Variants in LRPPRC observed in about 807,000 individuals in gnomAD.
LRPPRC encodes the protein leucine-rich PPR motif-containing protein, mitochondrial.
In LRPPRC, 120 loss-of-function variants were observed where a neutral mutation model predicts 180.3. That is an observed-to-expected ratio of 0.67 (90% CI 0.57 to 0.77). The LOEUF (loss-of-function observed/expected upper bound fraction) is 0.77. Among genes scored for constraint, LRPPRC ranks in the 30% least tolerant of loss-of-function variants. LRPPRC has a pLI of 0.00. For synonymous variants in LRPPRC, 723 were observed against 600.0 expected (o/e 1.21, Z -3.00); for missense variants, 2,012 against 1,657.2 (o/e 1.21, Z -3.72).
chr2:43,889,067 G>T (rs538581462), intron 37 of LRPPRC, among the ~76,000 whole-genome samples: 1 of 151,980 alleles, frequency 6.6e-6, no homozygotes, highest in Non-Finnish European at 1.5e-5. Flanking sequence ...CTGTAATCCC[G>T]GCACTTTGGG....
At chr2:43,986,853 A>G (rs899583353) in intron 1 of LRPPRC, among the ~76,000 whole-genome samples, 1 of 152,242 alleles carries the variant, frequency 6.6e-6, no homozygotes, top group Non-Finnish European at 1.5e-5. Flanking sequence ...AAAGTCTCTA[A>G]TGGCAGATAA....
chr2:43,928,109 G>C (rs903776492), intron 25 of LRPPRC, among the ~76,000 whole-genome samples: 1 of 152,206 alleles, frequency 6.6e-6, no homozygotes, highest in Non-Finnish European at 1.5e-5. Flanking sequence ...TGAGGATACA[G>C]TAAGTATTTT....
intron 14 of LRPPRC, among the ~76,000 whole-genome samples, chr2:43,951,888 T>A (rs1672918491): frequency 6.6e-6 from 1 of 152,164 alleles, no homozygotes; most frequent in South Asian, 2.1e-4. Context: ...AGTATCAACT[T>A]ACTGTCAAAT....
chr2:43,930,320 A>G (rs559214625), intron 25 of LRPPRC, among the ~76,000 whole-genome samples: 6 of 152,200 alleles, frequency 3.9e-5, no homozygotes, highest in Admixed American at 1.3e-4. Context: ...TCATGAGATC[A>G]TGGACGTAGG....
chr2:43,926,400 T>A (rs1189300002), intron 25 of LRPPRC, among the ~76,000 whole-genome samples: 1 of 152,172 alleles, frequency 6.6e-6, no homozygotes, highest in Non-Finnish European at 1.5e-5. Flanking sequence ...ATTTTTAATT[T>A]ATTTTTTTTT....
chr2:43,932,964 T>A (rs1672143471), intron 25 of LRPPRC, among the ~76,000 whole-genome samples: 1 of 152,202 alleles, frequency 6.6e-6, no homozygotes, highest in Non-Finnish European at 1.5e-5. Flanking sequence ...GACCTGCTAA[T>A]ACTGACACTG....
At chr2:43,975,911 A>C (rs947722082) in intron 6 of LRPPRC, among the ~76,000 whole-genome samples, 2 of 152,186 alleles carry the variant, frequency 1.3e-5, no homozygotes, top group African/African-American at 2.4e-5. Flanking sequence ...AATTCAAATA[A>C]AAGAAAGATT....
intron 23 of LRPPRC, among the ~76,000 whole-genome samples, chr2:43,939,236 G>A (rs1242676333): frequency 2.6e-5 from 4 of 151,798 alleles, no homozygotes; most frequent in Non-Finnish European, 1.5e-5. Flanking sequence ...AGCCAAGATC[G>A]TGCCACTGCA....
chr2:43,912,146 A>G (rs1043853163), intron 30 of LRPPRC, among the ~76,000 whole-genome samples: 28 of 152,234 alleles, frequency 1.8e-4, no homozygotes, highest in African/African-American at 6.5e-4. Context: ...AACAAGGAAC[A>G]GAATATAATA....
In LRPPRC at chr2:43,974,695, A is replaced by T; in HGVS notation, c.928T>A (p.Phe310Ile). 1 of 1,613,298 alleles carries T rather than the reference A, an allele frequency of 6.2e-7. No homozygotes were observed. The highest frequency in any genetic ancestry group is 8.5e-7 in the Non-Finnish European group (1 of 1,179,294). The change falls in exon 8 of 38, where the codon TTT becomes ATT. Residue 310 changes from phenylalanine (F) to isoleucine (I), a missense_variant. By Grantham distance (21) the Phe-to-Ile change is conservative. Coordinates refer to ENST00000260665, the MANE Select transcript of LRPPRC (RefSeq NM_133259.4). ...LMDRDLLQII[F>I]SFSKAGYPQY... is the part of the protein sequence containing the mutation. ...GGATACCCAGCTTTACTGAAGCTAA[A>T]AATAATTTGCAGTAAATCACGGTCC...
intron 1 of LRPPRC, among the ~76,000 whole-genome samples, chr2:43,993,037 C>G (rs4450660): frequency 0.69 from 104,587 of 152,066 alleles, 37,435 homozygotes; most frequent in Middle Eastern, 0.79. Context: ...CAAGAGGAAT[C>G]AAGCAAATGA....
intron 11 of LRPPRC, among the ~76,000 whole-genome samples, chr2:43,972,547 C>T (rs1673865775): frequency 6.6e-6 from 1 of 152,118 alleles, no homozygotes; most frequent in Non-Finnish European, 1.5e-5. Context: ...TTCTGTGGTT[C>T]CAAAACACTG....
At chr2:43,961,570 C>T (rs1411287497) in intron 12 of LRPPRC, among the ~76,000 whole-genome samples, 1 of 152,128 alleles carries the variant, frequency 6.6e-6, no homozygotes, top group Non-Finnish European at 1.5e-5. Context: ...ACAGCCCTAC[C>T]ACTTACTTGT....
chr2:43,982,483 T>A, intron 1 of LRPPRC, 49 bp from the exon 2 acceptor site: 1 of 1,418,604 alleles, frequency 7.0e-7, no homozygotes, highest in Non-Finnish European at 9.9e-7. Flanking sequence ...TCTATTTAGG[T>A]CATTTTTTGA....
At chr2:43,972,962 G>A (rs1673883873) in intron 11 of LRPPRC, among the ~76,000 whole-genome samples, 1 of 152,112 alleles carries the variant, frequency 6.6e-6, no homozygotes, top group Non-Finnish European at 1.5e-5. Context: ...AATGCAAACC[G>A]AAGAATTAGA....
intron 36 of LRPPRC, among the ~76,000 whole-genome samples, chr2:43,893,370 T>G (rs1388657870): frequency 1.3e-5 from 2 of 152,208 alleles, no homozygotes; most frequent in Non-Finnish European, 2.9e-5. Flanking sequence ...TACAGAGAAC[T>G]CTTTCGTGAA....
chr2:43,915,226 TCTCTCTCACACACACACACACACA>T (rs1255809526), intron 29 of LRPPRC, among the ~76,000 whole-genome samples: 165 of 84,108 alleles, frequency 2.0e-3, no homozygotes, highest in Non-Finnish European at 3.0e-3. Flanking sequence ...TCTCTCTCTC[TCTCTCTCACACACACACACACACA>T]CACACACACA....
chr2:43,930,522 G>T (rs1418458875), intron 25 of LRPPRC, among the ~76,000 whole-genome samples: 1 of 152,150 alleles, frequency 6.6e-6, no homozygotes, highest in African/African-American at 2.4e-5. Context: ...CCAAAATCTT[G>T]TAAGCATTAT....
At chr2:43,897,981 CTTCT>C (rs1458665820) in intron 34 of LRPPRC, among the ~76,000 whole-genome samples, 31 of 148,292 alleles carry the variant, frequency 2.1e-4, no homozygotes, top group Middle Eastern at 3.5e-3. Flanking sequence ...GAGTATCTTC[CTTCT>C]TTTTTTTTTC....
Sources: gnomAD v4.1 joint callset for allele counts (sites outside exome capture counted in the v4.1 genomes callset) on GRCh38, gnomAD v4.1.1 for gene constraint, MANE v1.5 for transcripts, NCBI Gene and HGNC (gene_info 2026-07-23, HGNC 2026-07-21) for gene names.